The following COPE variants were observed in gnomAD, a reference collection of about 807,000 sequenced individuals.
COPE encodes the protein coatomer subunit epsilon.
Under a neutral mutation model 42.1 loss-of-function variants are expected in COPE, and 19 were observed. That is an observed-to-expected ratio of 0.45 (90% CI 0.31 to 0.66). The LOEUF (loss-of-function observed/expected upper bound fraction) is 0.66, where lower values mean the gene tolerates loss of function less well. COPE is among the 30% of genes least tolerant of loss of function. The pLI is 0.05. For missense variants in COPE, 402 were observed against 416.1 expected (o/e 0.97, Z 0.30); for synonymous variants, 195 against 181.3 (o/e 1.08, Z -0.60).
chr19:18,912,931 C>T (rs2145078163), intron 2 of COPE, 53 bp downstream of exon 2: 1 of 1,580,774 alleles, frequency 6.3e-7, no homozygotes, highest in East Asian at 2.2e-5. Flanking sequence ...TGTCCCCAGC[C>T]CCACCCTCTA....
chr19:18,915,167 C>T lies in COPE; in HGVS notation c.127-2121G>A, dbSNP rs113694125. On this transcript the variant is annotated intron_variant, in intron 1 of 9. Transcript: ENST00000262812. ...AGGCTACAGTGGACTATGATCATGC[C>T]ACTGCACTGCACTCTGGCCTGGGTG... Among the ~76,000 whole-genome samples, 591 of 152,246 alleles carry T rather than the reference C, an allele frequency of 3.9e-3. 4 individuals carry two copies. Among genetic ancestry groups the T allele is most frequent in the African/African-American group, 0.014 (574 of 41,552 alleles).
In COPE at chr19:18,919,296, T is replaced by C. The variant is rs555628077; in HGVS notation, c.53A>G (p.Glu18Gly). ...GAAGGCGTTCTTTACGTCGAACAGC[T>C]CGTCTACCTCCCCGGAGCCGCCGGA... ...PASGGSGEVD[E>G]LFDVKNAFYI... The change falls in exon 1 of 10, where the codon GAG becomes GGG. Residue 18 changes from glutamate (E) to glycine (G), a missense_variant. Glu to Gly is a moderately conservative substitution (Grantham distance 98, BLOSUM62 -2). Transcript: ENST00000262812. The C allele has an allele frequency of 6.2e-7, 1 of 1,613,898 alleles. No individual in the cohort carries two copies. Among genetic ancestry groups the C allele is most frequent in the African/African-American group, 1.3e-5 (1 of 75,072 alleles).
At chr19:18,914,203 T>C (rs2056834658) in intron 1 of COPE, among the ~76,000 whole-genome samples, 4 of 152,128 alleles carry the variant, frequency 2.6e-5, no homozygotes, top group Admixed American at 2.0e-4. Flanking sequence ...CACCTGCAAA[T>C]GGGATGGACA....
intron 3 of COPE, among the ~76,000 whole-genome samples, chr19:18,907,347 T>C (rs1444806283): frequency 6.6e-6 from 1 of 152,004 alleles, no homozygotes; most frequent in Non-Finnish European, 1.5e-5. Context: ...GGTGGGGCGC[T>C]CCAAGGGGAC....
chr19:18,909,900 T>C (rs935137471), intron 3 of COPE, among the ~76,000 whole-genome samples: 1 of 152,200 alleles, frequency 6.6e-6, no homozygotes, highest in Non-Finnish European at 1.5e-5. Flanking sequence ...TCTCTTAATC[T>C]GATCGGCAAA....
Position 18,911,007 on chromosome 19 carries a change from C to T in COPE, c.254G>A (p.Arg85His), listed in dbSNP as rs34510432. The T allele has an allele frequency of 7.1e-4, 1,143 of 1,614,004 alleles. 4 individuals carry two copies. In the African/African-American group the frequency reaches 0.013, roughly 18 times the overall value. The change falls in exon 3 of 10, where the codon CGC becomes CAC. Residue 85 changes from arginine (R) to histidine (H), a missense_variant. Arg to His is a conservative substitution (Grantham distance 29). Coordinates refer to ENST00000262812, the MANE Select transcript of COPE (RefSeq NM_007263.4). ...PSSAPELQAV[R>H]MFADYLAHES... is the part of the protein sequence containing the mutation. ...GTGGGCGAGGTAGTCAGCAAACATG[C>T]GCACGGCCTGGAGCTCAGGGGCCGA...
chr19:18,913,571 T>A (rs531134685), intron 1 of COPE, among the ~76,000 whole-genome samples: 1 of 151,232 alleles, frequency 6.6e-6, no homozygotes, highest in Admixed American at 6.6e-5. Flanking sequence ...GGGATGATAA[T>A]GAAGCTGCCC....
At chr19:18,901,533 C>A (rs925806395) in intron 7 of COPE, among the ~76,000 whole-genome samples, 3 of 152,194 alleles carry the variant, frequency 2.0e-5, no homozygotes, top group Non-Finnish European at 4.4e-5. Context: ...CAGCCTGATA[C>A]CCCTTGGCCA....
At chr19:18,908,717 A>AC (rs1415521116) in intron 3 of COPE, among the ~76,000 whole-genome samples, 71 of 151,292 alleles carry the variant, frequency 4.7e-4, no homozygotes, top group African/African-American at 1.5e-3. Flanking sequence ...ATGGGGTTTC[A>AC]CGTGTTAGCC....
chr19:18,905,503 G>A lies in COPE; in HGVS notation c.497+73C>T. On this transcript the variant is annotated intron_variant, in intron 5 of 9. Transcript: ENST00000262812. ...GTAATGACAGCACCACAGACGCTCT[G>A]GGCTGTGACGCTCTGGGCTGTGACG... The A allele has an allele frequency of 3.0e-6, 4 of 1,342,612 alleles. No homozygotes were observed. In the East Asian group the frequency reaches 9.8e-5, roughly 33 times the overall value. The allele number at this position is 1,342,612 out of a possible 1,614,324, so 83.2% of individuals were successfully genotyped here. A position where few individuals can be genotyped will look rare whatever the true frequency, so the allele number is the denominator to read the frequency against.
At chr19:18,915,626 C>G (rs1052452193) in intron 1 of COPE, among the ~76,000 whole-genome samples, 1 of 152,238 alleles carries the variant, frequency 6.6e-6, no homozygotes, top group South Asian at 2.1e-4. Flanking sequence ...CCTAGGATGG[C>G]CCCAGCACTG....
chr19:18,902,827 A>AG (rs1390211539), intron 7 of COPE, among the ~76,000 whole-genome samples: 2 of 146,148 alleles, frequency 1.4e-5, no homozygotes, highest in Non-Finnish European at 3.0e-5. Flanking sequence ...GAAGGAAGGA[A>AG]GAAAAGACTG....
At position 18,903,422 on chromosome 19, in the gene COPE, C is replaced by G; in HGVS notation, c.581G>C (p.Gly194Ala). 6.2e-7 allele frequency: 1 copy of G among 1,606,180 alleles called. No individual in the cohort carries two copies. The highest frequency in any genetic ancestry group is 8.5e-7 in the Non-Finnish European group (1 of 1,175,798). Residue 194 changes from glycine (G) to alanine (A), a missense_variant and splice_region_variant, in exon 7 of 10, where the codon GGT (glycine) becomes GCT (alanine). Gly to Ala is a moderately conservative substitution (Grantham distance 60, BLOSUM62 0). Coordinates refer to ENST00000262812, the MANE Select transcript of COPE (RefSeq NM_007263.4). ...GTAGGCATCCTGCAGCTTCTCACCA[C>G]CCTGCAGGGAGGGTCCCGCATCATT... The part of the protein sequence containing the change: ...LATAWVSLAT[G>A]GEKLQDAYYI...
At position 18,919,267 on chromosome 19, in the gene COPE, T is replaced by C. The variant is rs2056890270; in HGVS notation, c.82A>G (p.Ile28Val). 1 of 1,613,946 alleles carries C rather than the reference T, an allele frequency of 6.2e-7. No homozygotes were observed. Residue 28 changes from isoleucine (I) to valine (V), a missense_variant, in exon 1 of 10, where the codon ATC becomes GTC. Transcript: ENST00000262812. ...TTTATGCACTGCTGGTAGCTGCCGA[T>C]GTAGAAGGCGTTCTTTACGTCGAAC... The part of the protein sequence containing the change: ...ELFDVKNAFY[I>V]GSYQQCINEA...
rs71168781 is a variant in COPE, at chr19:18,902,772, AGAAGGAAGGAAGGAAGGAAGGAAG to A, written c.735+472_735+495del. On this transcript the variant is annotated intron_variant, in intron 7 of 9. Coordinates refer to ENST00000262812, the MANE Select transcript of COPE (RefSeq NM_007263.4). The stretch of plus-strand genomic sequence containing the variant: ...GAAAGGAAGGAAGGAAGGAAGGGAA[AGAAGGAAGGAAGGAAGGAAGGAAG>A]GAAGGAAGGAAGGAAGGAAGGAAGG... Among the ~76,000 whole-genome samples the A allele has an allele frequency of 8.5e-4, 27 of 31,952 alleles. 12 individuals are homozygous for A. Among genetic ancestry groups the A allele is most frequent in the African/African-American group, 4.0e-3 (19 of 4,726 alleles). 21.0% of individuals were successfully genotyped at this position (31,952 alleles called of 152,430 possible). A position where few individuals can be genotyped will look rare whatever the true frequency, so the allele number is the denominator to read the frequency against.
At chr19:18,918,083 G>A (rs905364246) in intron 1 of COPE, among the ~76,000 whole-genome samples, 1 of 150,046 alleles carries the variant, frequency 6.7e-6, no homozygotes, top group African/African-American at 2.5e-5. Flanking sequence ...CCAGCTACTC[G>A]AGAGGCTGAG....
chr19:18,911,115 G>C (rs1044047389), intron 2 of COPE, 44 bp from the exon 3 acceptor site: 1 of 1,547,704 alleles, frequency 6.5e-7, no homozygotes, highest in Non-Finnish European at 8.9e-7. Flanking sequence ...CCACCCCAGA[G>C]GATTTCCATG....
At chr19:18,902,451 G>A (rs946027843) in intron 7 of COPE, among the ~76,000 whole-genome samples, 2 of 149,872 alleles carry the variant, frequency 1.3e-5, no homozygotes, top group Non-Finnish European at 1.5e-5. Context: ...GATCACCTGA[G>A]GTCAGGAGTT....
intron 7 of COPE, among the ~76,000 whole-genome samples, 189 bp from the exon 8 acceptor site, chr19:18,900,638 G>A (rs1380254816): frequency 6.6e-6 from 1 of 152,108 alleles, no homozygotes; most frequent in Non-Finnish European, 1.5e-5. Flanking sequence ...CCGCCTCGCT[G>A]AGCCTCAGTT....
Sources: gnomAD v4.1 joint callset for allele counts (sites outside exome capture counted in the v4.1 genomes callset) on GRCh38, gnomAD v4.1.1 for gene constraint, MANE v1.5 for transcripts, NCBI Gene and HGNC (gene_info 2026-07-23, HGNC 2026-07-21) for gene names.